GPR149: variants seen among roughly 807,000 people sequenced by gnomAD.
The protein encoded by GPR149 is probable G protein-coupled receptor 149.
A neutral mutation model predicts 50.2 loss-of-function variants in GPR149; 50 were observed. The ratio of observed to expected loss-of-function variants is 1.00; its 90% CI spans 0.79 to 1.26. The LOEUF (loss-of-function observed/expected upper bound fraction) is 1.26, where lower values mean the gene tolerates loss of function less well. GPR149 is among the 50% of genes most tolerant of loss of function. GPR149 has a pLI of 0.00. For missense variants in GPR149, 983 were observed against 895.4 expected (o/e 1.10, Z -1.25); for synonymous variants, 405 against 358.2 (o/e 1.13, Z -1.48).
chr3:154,362,116 C>T (rs935875374), intron 3 of GPR149, among the ~76,000 whole-genome samples: 6 of 151,720 alleles, frequency 4.0e-5, no homozygotes, highest in Admixed American at 6.6e-5. Flanking sequence ...GGTGAAACCC[C>T]GTCTCTACTA....
At chr3:154,426,529 C>A (rs1368926063) in intron 2 of GPR149, among the ~76,000 whole-genome samples, 2 of 152,168 alleles carry the variant, frequency 1.3e-5, no homozygotes, top group African/African-American at 4.8e-5. Flanking sequence ...ACAGTTAATG[C>A]AGCATACACT....
intron 2 of GPR149, among the ~76,000 whole-genome samples, chr3:154,424,616 A>G (rs1712242897): frequency 6.6e-6 from 1 of 151,838 alleles, no homozygotes; most frequent in East Asian, 1.9e-4. Context: ...CTGATTAATA[A>G]TTTGCAAGAA....
chr3:154,377,015 C>T (rs546900461), intron 3 of GPR149, among the ~76,000 whole-genome samples: 3 of 146,380 alleles, frequency 2.0e-5, no homozygotes, highest in South Asian at 2.2e-4. Context: ...AAAATATTAG[C>T]TATTAGTGTT....
chr3:154,392,095 T>C (rs536050744), intron 3 of GPR149, among the ~76,000 whole-genome samples: 63 of 151,782 alleles, frequency 4.2e-4, no homozygotes, highest in Non-Finnish European at 7.5e-4. Context: ...CTTTTAATAA[T>C]ATAACATTTG....
At chr3:154,384,932 T>A (rs1169924273) in intron 3 of GPR149, among the ~76,000 whole-genome samples, 1 of 152,242 alleles carries the variant, frequency 6.6e-6, no homozygotes, top group Non-Finnish European at 1.5e-5. Context: ...CTGCCTCCTC[T>A]TCATCTTCAT....
intron 3 of GPR149, among the ~76,000 whole-genome samples, chr3:154,369,829 A>C (rs1052850861): frequency 4.6e-5 from 7 of 152,240 alleles, no homozygotes; most frequent in South Asian, 2.1e-4. Context: ...CTTAAGTCCT[A>C]CTGAAAAAGA....
intron 3 of GPR149, chr3:154,352,567 G>A (rs1714105970): frequency 2.6e-6 from 2 of 775,754 alleles, no homozygotes; most frequent in East Asian, 4.9e-5. Context: ...ATTTCCTCTA[G>A]GCTTTCCAGA....
chr3:154,392,983 T>C (rs1715203424), intron 3 of GPR149, among the ~76,000 whole-genome samples: 1 of 151,964 alleles, frequency 6.6e-6, no homozygotes, highest in Admixed American at 6.6e-5. Context: ...ATGGCTTCAA[T>C]AGTGAATTTG....
intron 3 of GPR149, among the ~76,000 whole-genome samples, chr3:154,342,600 G>T (rs950461982): frequency 6.6e-6 from 1 of 152,084 alleles, no homozygotes; most frequent in African/African-American, 2.4e-5. Context: ...GTAGAGACAG[G>T]GTTTTGCCAT....
Position 154,428,518 on chromosome 3 carries a change from G to A in GPR149, c.981+117C>T. The A allele has an allele frequency of 2.6e-6, 3 of 1,157,010 alleles. No homozygotes were observed. The South Asian group carries it at 4.5e-5, about 17-fold the overall frequency. The allele number at this position is 1,157,010 out of a possible 1,614,324, so 71.7% of individuals were successfully genotyped here. A position where few individuals can be genotyped will look rare whatever the true frequency, so the allele number is the denominator to read the frequency against. On this transcript the variant is annotated intron_variant, in intron 1 of 3. Transcript: ENST00000389740. ...TCTAAAACCCAGCGAGATACACTTG[G>A]AAGCGGACTTCACTGTGTGTCTCTT...
chr3:154,393,788 G>C (rs1715223881), intron 3 of GPR149, among the ~76,000 whole-genome samples: 1 of 151,818 alleles, frequency 6.6e-6, no homozygotes, highest in Non-Finnish European at 1.5e-5. Context: ...TGAGCTATTT[G>C]AAAGGAAATT....
In GPR149 at chr3:154,337,804, C is replaced by A. The variant is rs1034044975; in HGVS notation, c.2091G>T (p.Arg697Ser). 2 of 1,613,950 alleles carry A rather than the reference C, an allele frequency of 1.2e-6. No individual in the cohort carries two copies. The highest frequency in any genetic ancestry group is 1.7e-6 in the Non-Finnish European group (2 of 1,179,966). ...ISIPDTVEAH[R>S]QNSKRQHQER... is the part of the protein sequence containing the mutation. ...CTTGATGCTGCCTTTTACTGTTCTG[C>A]CTGTGTGCTTCTACTGTGTCTGGAA... is the stretch of plus-strand genomic sequence containing the variant. Residue 697 changes from arginine (R) to serine (S), a missense_variant, in exon 4 of 4, where the codon AGG (arginine) becomes AGT (serine). Physicochemically the swap from Arg to Ser is moderately radical, Grantham distance 110. Transcript: ENST00000389740.
chr3:154,353,810 C>T, intron 3 of GPR149: 1 of 682,362 alleles, frequency 1.5e-6, no homozygotes, highest in Non-Finnish European at 2.7e-6. Context: ...GCTATTAAAT[C>T]TTTTCTTTCA....
At chr3:154,421,009 A>G (rs1712126671) in intron 3 of GPR149, 30 bp downstream of exon 3, 3 of 1,496,942 alleles carry the variant, frequency 2.0e-6, no homozygotes, top group South Asian at 1.3e-5. Context: ...ATCACTTTCA[A>G]TTTAACAGCA....
intron 3 of GPR149, among the ~76,000 whole-genome samples, chr3:154,417,460 T>C (rs1472444003): frequency 6.6e-6 from 1 of 151,978 alleles, no homozygotes; most frequent in Non-Finnish European, 1.5e-5. Context: ...TAACATAAAC[T>C]TTAATTAAAA....
At chr3:154,384,018 C>T (rs558919220) in intron 3 of GPR149, among the ~76,000 whole-genome samples, 3 of 152,070 alleles carry the variant, frequency 2.0e-5, no homozygotes, top group East Asian at 1.9e-4. Flanking sequence ...TTAAGCTATT[C>T]GGAGGAAATA....
At position 154,421,355 on chromosome 3, in the gene GPR149, T is replaced by C; in HGVS notation, c.1307A>G (p.Glu436Gly). Reference protein sequence around the residue: ...FYHNLMNSECETTKDPQRDNR... With the variant: ...FYHNLMNSECGTTKDPQRDNR... ...GTCTCTCTGAGGGTCTTTTGTAGTT[T>C]CACACTCAGAGTTCATCAGGTTGTG... is the stretch of plus-strand genomic sequence containing the variant. The change falls in exon 3 of 4, where the codon GAA becomes GGA. Residue 436 changes from glutamate to glycine, a missense_variant. Glu to Gly is a moderately conservative substitution (Grantham distance 98, BLOSUM62 -2). Transcript: ENST00000389740. The C allele has an allele frequency of 6.2e-7, 1 of 1,613,256 alleles. No individual in the cohort carries two copies. Among genetic ancestry groups the C allele is most frequent in the Non-Finnish European group, 8.5e-7 (1 of 1,179,412 alleles).
chr3:154,363,701 C>T (rs972528929), intron 3 of GPR149, among the ~76,000 whole-genome samples: 1 of 152,156 alleles, frequency 6.6e-6, no homozygotes, highest in Non-Finnish European at 1.5e-5. Context: ...TGAGAACTTC[C>T]ATCCCTGTCT....
At chr3:154,348,791 AT>A (rs987651535) in intron 3 of GPR149, among the ~76,000 whole-genome samples, 5 of 152,138 alleles carry the variant, frequency 3.3e-5, no homozygotes, top group Admixed American at 3.3e-4. Context: ...GAAAATTTTT[AT>A]TTATAGGACA....
Sources: allele counts gnomAD v4.1 joint callset (sites outside exome capture counted in the v4.1 genomes callset), GRCh38; gene constraint gnomAD v4.1.1; transcripts MANE v1.5; gene names NCBI Gene and HGNC (gene_info 2026-07-23, HGNC 2026-07-21).